Variants in PECR observed in about 807,000 individuals in gnomAD.
PECR encodes peroxisomal trans-2-enoyl-CoA reductase.
Under a neutral mutation model 35.3 loss-of-function variants are expected in PECR, and 30 were observed. The observed-to-expected ratio is 0.85, with a 90% CI of 0.64 to 1.15. The LOEUF is 1.15. PECR is among the 50% of genes most tolerant of loss of function. The pLI is 0.00. For synonymous variants in PECR, 148 were observed against 138.9 expected (o/e 1.07, Z -0.46); for missense variants, 392 against 370.8 (o/e 1.06, Z -0.47).
At chr2:216,052,538 T>C (rs913329369) in intron 4 of PECR, among the ~76,000 whole-genome samples, 1 of 152,236 alleles carries the variant, frequency 6.6e-6, no homozygotes, top group Non-Finnish European at 1.5e-5. Context: ...ACTTTAAAGA[T>C]GTTACACCAC....
intron 1 of PECR, among the ~76,000 whole-genome samples, chr2:216,076,835 C>A (rs941414064): frequency 1.3e-5 from 2 of 151,646 alleles, no homozygotes; most frequent in Admixed American, 6.6e-5. Flanking sequence ...TGAAGACTTA[C>A]TTGGAGAAAT....
chr2:216,048,843 C>CAAAAAAA (rs59623283), intron 6 of PECR, among the ~76,000 whole-genome samples: 5 of 74,050 alleles, frequency 6.8e-5, no homozygotes, highest in African/African-American at 1.0e-4. Context: ...CTGTCTCAAG[C>CAAAAAAA]AAAAAAAAAA....
intron 7 of PECR, 59 bp from the exon 8 acceptor site, chr2:216,039,419 C>T: frequency 1.1e-6 from 1 of 898,380 alleles, no homozygotes; most frequent in South Asian, 1.3e-5. Context: ...CTCTTCACTC[C>T]CACCAAATCC....
chr2:216,078,920 A>C (rs973186429), intron 1 of PECR, among the ~76,000 whole-genome samples: 1 of 151,284 alleles, frequency 6.6e-6, no homozygotes, highest in East Asian at 1.9e-4. Context: ...TAGCACACTT[A>C]TGCAACAGGA....
At chr2:216,069,765 T>G (rs12471058) in intron 1 of PECR, among the ~76,000 whole-genome samples, 15,064 of 151,830 alleles carry the variant, frequency 0.099, 1,490 homozygotes, top group African/African-American at 0.26. Flanking sequence ...GCAAAACCCC[T>G]TTTCTACTAA....
intron 4 of PECR, chr2:216,057,737 G>A (rs905208437): frequency 6.6e-6 from 1 of 152,102 alleles, no homozygotes; most frequent in Non-Finnish European, 1.5e-5. Flanking sequence ...CCATGTCTGA[G>A]CGATGATGAC....
chr2:216,043,858 ATG>A, intron 7 of PECR, 44 bp downstream of exon 7: 1 of 996,814 alleles, frequency 1.0e-6, no homozygotes. Flanking sequence ...ACCCCTGAAC[ATG>A]ACACAGCATA....
At chr2:216,067,630 C>T (rs908207492) in intron 1 of PECR, among the ~76,000 whole-genome samples, 5 of 151,176 alleles carry the variant, frequency 3.3e-5, no homozygotes, top group African/African-American at 7.3e-5. Flanking sequence ...GATCTCAGCT[C>T]ACTGCAACCT....
At chr2:216,055,113 CAAAAAAA>C (rs955021535) in intron 4 of PECR, among the ~76,000 whole-genome samples, 5 of 54,474 alleles carry the variant, frequency 9.2e-5, no homozygotes, top group African/African-American at 3.4e-4. Flanking sequence ...CTGTGTCTTA[CAAAAAAA>C]AAAAAAAAAG....
chr2:216,074,049 C>T (rs1463587930), intron 1 of PECR, among the ~76,000 whole-genome samples: 1 of 152,260 alleles, frequency 6.6e-6, no homozygotes, highest in Non-Finnish European at 1.5e-5. Flanking sequence ...CAAGCCACCA[C>T]TTCCTCCACC....
At chr2:216,075,417 A>C (rs1695679233) in intron 1 of PECR, among the ~76,000 whole-genome samples, 1 of 152,208 alleles carries the variant, frequency 6.6e-6, no homozygotes. Context: ...GTAGAAAATC[A>C]CCAGGAAGGG....
At chr2:216,053,398 C>T (rs982872191) in intron 4 of PECR, among the ~76,000 whole-genome samples, 5 of 151,984 alleles carry the variant, frequency 3.3e-5, no homozygotes, top group African/African-American at 9.7e-5. Context: ...CACCCGCCAC[C>T]GTGCCCAGCT....
At chr2:216,077,851 A>G (rs182900968) in intron 1 of PECR, among the ~76,000 whole-genome samples, 29 of 151,956 alleles carry the variant, frequency 1.9e-4, no homozygotes, top group African/African-American at 7.0e-4. Flanking sequence ...GCAAAAATGG[A>G]CTGGAAGGAA....
intron 4 of PECR, among the ~76,000 whole-genome samples, chr2:216,055,475 A>C (rs919852127): frequency 2.7e-5 from 4 of 150,790 alleles, no homozygotes; most frequent in Non-Finnish European, 5.9e-5. Flanking sequence ...ACAAACAAAC[A>C]AAAAAAAACA....
chr2:216,068,804 A>AT (rs36012588), intron 1 of PECR, among the ~76,000 whole-genome samples: 3,987 of 76,110 alleles, frequency 0.052, 159 homozygotes, highest in Non-Finnish European at 0.069. Flanking sequence ...TATCTGGCCA[A>AT]TTTTTTTTTT....
At chr2:216,039,709 T>G (rs1694855062) in intron 7 of PECR, among the ~76,000 whole-genome samples, 1 of 152,194 alleles carries the variant, frequency 6.6e-6, no homozygotes, top group South Asian at 2.1e-4. Flanking sequence ...ATAATCACAA[T>G]TTAAAAATAG....
intron 1 of PECR, among the ~76,000 whole-genome samples, chr2:216,068,804 ATTTTTTTTTTTT>A (rs36012588): frequency 1.3e-5 from 1 of 76,088 alleles, no homozygotes; most frequent in Non-Finnish European, 2.5e-5. Flanking sequence ...TATCTGGCCA[ATTTTTTTTTTTT>A]TTTTTTTTTT....
chr2:216,064,146 CCT>C (rs1192429403), intron 3 of PECR: 2 of 152,120 alleles, frequency 1.3e-5, no homozygotes, highest in Admixed American at 6.5e-5. Context: ...TGCTGATTTG[CCT>C]GTTAGAAGGA....
chr2:216,033,815 TGCTTG>T (rs1199613204), downstream of PECR: 7 of 152,356 alleles, frequency 4.6e-5, no homozygotes, highest in Non-Finnish European at 1.0e-4. Context: ...GAGCCACGGC[TGCTTG>T]AAAGCTGAAA....
Sources: gnomAD v4.1 joint callset for allele counts (sites outside exome capture counted in the v4.1 genomes callset) on GRCh38, gnomAD v4.1.1 for gene constraint, MANE v1.5 for transcripts, NCBI Gene and HGNC (gene_info 2026-07-23, HGNC 2026-07-21) for gene names.